Variants in FBXL2 observed in about 807,000 individuals in gnomAD.
The protein encoded by FBXL2 is F-box/LRR-repeat protein 2.
FBXL2 carries 38 observed loss-of-function variants against 69.2 expected under a neutral mutation model. That is an observed-to-expected ratio of 0.55 (90% confidence interval 0.42 to 0.72). FBXL2 has a LOEUF of 0.72. FBXL2 is among the 30% of genes least tolerant of loss of function. The pLI, the probability that FBXL2 is intolerant of heterozygous loss-of-function variation, is 0.00. For synonymous variants in FBXL2, 192 were observed against 201.3 expected, an observed-to-expected ratio of 0.95 and a Z score of 0.39; for missense variants, 354 against 520.3, an observed-to-expected ratio of 0.68 and a Z score of 3.11.
downstream of FBXL2, chr3:33,389,161 A>T (rs937727607): frequency 2.0e-5 from 3 of 152,750 alleles, no homozygotes; most frequent in Non-Finnish European, 1.5e-5. Flanking sequence ...ATTTGGTTTT[A>T]TGAAAGAGGC....
chr3:33,415,850 C>T, the FBXL2 span, among the ~76,000 whole-genome samples: 1 of 152,122 alleles, frequency 6.6e-6, no homozygotes, highest in Non-Finnish European at 1.5e-5. Flanking sequence ...TTCCAAAGCA[C>T]CTTTGGTAAC....
intron 2 of FBXL2, among the ~76,000 whole-genome samples, chr3:33,298,813 G>C (rs2035989813): frequency 6.7e-6 from 1 of 149,966 alleles, no homozygotes; most frequent in South Asian, 2.1e-4. Context: ...TCCCCTAACT[G>C]TTTCTCTTAT....
chr3:33,373,577 G>T lies in FBXL2; in HGVS notation c.456-1G>T. On this transcript the variant is annotated splice_acceptor_variant, in intron 7 of 14. Transcript: ENST00000484457. LOFTEE classifies it high-confidence loss of function. ...TAAGTTTTTGTTTCTTGTTCTCTCA[G>T]TGAGGGCTGCCGAAACCTGGAGTAC... is the stretch of plus-strand genomic sequence containing the variant. 6.2e-7 allele frequency: 1 copy of T among 1,614,144 alleles called. No homozygotes were observed. Among genetic ancestry groups the T allele is most frequent in the Non-Finnish European group, 8.5e-7 (1 of 1,180,030 alleles).
At chr3:33,417,314 T>C in the FBXL2 span, among the ~76,000 whole-genome samples, 1 of 143,060 alleles carries the variant, frequency 7.0e-6, no homozygotes, top group Non-Finnish European at 1.5e-5. Context: ...GGCCAACTGC[T>C]AGCGATCACC....
the FBXL2 span, among the ~76,000 whole-genome samples, chr3:33,418,629 C>T: frequency 3.3e-5 from 5 of 151,628 alleles, no homozygotes; most frequent in Admixed American, 6.6e-5. Context: ...GAGCCCGAGG[C>T]GGGCAGATCA....
At chr3:33,312,571 C>G (rs532478830) in intron 2 of FBXL2, among the ~76,000 whole-genome samples, 1 of 152,260 alleles carries the variant, frequency 6.6e-6, no homozygotes, top group African/African-American at 2.4e-5. Flanking sequence ...GTCAGCCCAT[C>G]CGGAGATTCT....
downstream of FBXL2, among the ~76,000 whole-genome samples, chr3:33,406,361 A>G (rs2044427508): frequency 6.6e-6 from 1 of 152,248 alleles, no homozygotes; most frequent in African/African-American, 2.4e-5. Context: ...TGACTAGCAA[A>G]TCTAATCATG....
the FBXL2 span, among the ~76,000 whole-genome samples, chr3:33,421,456 G>A: frequency 6.6e-6 from 1 of 152,134 alleles, no homozygotes; most frequent in African/African-American, 2.4e-5. Flanking sequence ...ATTTTCAGTA[G>A]AGATGGTTTC....
At chr3:33,333,609 G>A (rs1487706743) in intron 2 of FBXL2, among the ~76,000 whole-genome samples, 3 of 152,138 alleles carry the variant, frequency 2.0e-5, no homozygotes, top group African/African-American at 7.2e-5. Flanking sequence ...GAAAAATAAG[G>A]CCTTCATAAA....
upstream of FBXL2, chr3:33,277,283 A>C: frequency 5.1e-6 from 2 of 394,446 alleles, no homozygotes; most frequent in Non-Finnish European, 8.9e-6. Context: ...GAGAGGATGG[A>C]CCAGATACGA....
intron 1 of FBXL2, among the ~76,000 whole-genome samples, chr3:33,281,311 T>C (rs540966820): frequency 1.3e-5 from 2 of 152,244 alleles, no homozygotes; most frequent in Non-Finnish European, 2.9e-5. Flanking sequence ...TTTCTGTCCT[T>C]GTGATAGTTT....
intron 7 of FBXL2, 33 bp from the exon 8 acceptor site, chr3:33,373,545 C>G (rs755487225): frequency 1.2e-6 from 2 of 1,613,886 alleles, no homozygotes; most frequent in African/African-American, 2.7e-5. Context: ...ACAGGAGAGA[C>G]TGCACATAAG....
At chr3:33,326,505 CAAA>C (rs543949783) in intron 2 of FBXL2, among the ~76,000 whole-genome samples, 3 of 96,576 alleles carry the variant, frequency 3.1e-5, no homozygotes, top group Admixed American at 1.1e-4. Flanking sequence ...GACTCCGTCT[CAAA>C]AAAAAAAAAA....
At chr3:33,396,214 C>A in intron 12 of FBXL2, 1 of 1,595,420 alleles carries the variant, frequency 6.3e-7, no homozygotes, top group Non-Finnish European at 8.6e-7. Context: ...CTTGCTGCTG[C>A]CCTTGCAGCA....
intron 2 of FBXL2, among the ~76,000 whole-genome samples, chr3:33,350,668 T>G (rs2040767427): frequency 2.0e-5 from 3 of 152,022 alleles, no homozygotes; most frequent in Admixed American, 1.3e-4. Context: ...ACTCCTGACC[T>G]CAAGTTATCC....
intron 4 of FBXL2, among the ~76,000 whole-genome samples, chr3:33,362,628 G>T (rs1401981305): frequency 6.6e-6 from 1 of 152,188 alleles, no homozygotes; most frequent in East Asian, 1.9e-4. Flanking sequence ...CTGTGTCCAT[G>T]TGTTCTCATT....
At chr3:33,350,463 A>G (rs957804001) in intron 2 of FBXL2, among the ~76,000 whole-genome samples, 3 of 150,744 alleles carry the variant, frequency 2.0e-5, no homozygotes, top group African/African-American at 4.9e-5. Flanking sequence ...GACAGAGTCC[A>G]GCTCTGTTGC....
rs959238061 is a variant in FBXL2 at position 33,329,553 on chromosome 3, G to A, written c.66-29414G>A. ...GTGGATGAATGGATAAAGAAAATAC[G>A]TTATATATACATAATGGAATATTAT... On this transcript the variant is annotated intron_variant, in intron 2 of 14. Transcript: ENST00000484457. Among the ~76,000 whole-genome samples the A allele has an allele frequency of 5.3e-5, 8 of 151,490 alleles. No individual in the cohort carries two copies. In the East Asian group the frequency reaches 5.8e-4, roughly 11 times the overall value.
Position 33,384,039 on chromosome 3 carries a change from C to T in FBXL2, c.1002C>T (p.Ser334=), listed in dbSNP as rs765006368. 3.1e-6 allele frequency: 5 copies of T among 1,614,032 alleles called. No homozygotes were observed. The Admixed American group carries it at 8.3e-5, about 27-fold the overall frequency. Residue 334 remains serine, a synonymous_variant, in exon 14 of 15, where the codon AGC becomes AGT. Coordinates refer to ENST00000484457, the MANE Select transcript of FBXL2 (RefSeq NM_012157.5). ...LITDDGILHL[S]NSTCGHERLR... ...CAGATGATGGGATCCTGCACCTGAGCAACAGTACCTGTGGCCATGAGAGGC... is the reference window on the plus strand; with the variant it reads ...CAGATGATGGGATCCTGCACCTGAGTAACAGTACCTGTGGCCATGAGAGGC...
Sources: allele counts gnomAD v4.1 joint callset (sites outside exome capture counted in the v4.1 genomes callset), GRCh38; gene constraint gnomAD v4.1.1; transcripts MANE v1.5; gene names NCBI Gene and HGNC (gene_info 2026-07-23, HGNC 2026-07-21).